SUPT20H: variants seen among roughly 807,000 people sequenced by gnomAD.
The protein encoded by SUPT20H is transcription factor SPT20 homolog.
Under a neutral mutation model 122.8 loss-of-function variants are expected in SUPT20H, and 82 were observed. That is an observed-to-expected ratio of 0.67 (90% CI 0.56 to 0.80). The LOEUF (loss-of-function observed/expected upper bound fraction) is 0.80. Ranked by LOEUF, SUPT20H falls within the 30% of genes least tolerant of loss-of-function variation. The pLI, the probability that SUPT20H is intolerant of heterozygous loss-of-function variation, is 0.00. For missense variants in SUPT20H, 831 were observed against 921.6 expected (o/e 0.90, Z 1.27); for synonymous variants, 291 against 313.0 (o/e 0.93, Z 0.74).
chr13:37,009,316 C>A lies in SUPT20H; in HGVS notation c.*356G>T. 7.1e-7 allele frequency: 1 copy of A among 1,401,276 alleles called. No individual in the cohort carries two copies. Among genetic ancestry groups the A allele is most frequent in the Non-Finnish European group, 1.0e-6 (1 of 992,158 alleles). 86.8% of individuals were successfully genotyped at this position (1,401,276 alleles called of 1,614,324 possible). A position where few individuals can be genotyped will look rare whatever the true frequency, so the allele number is the denominator to read the frequency against. ...CCCAAATAAACAGCCACCACATTTT[C>A]AAAACAGATTTGTAAAAATTGTATT... is the stretch of plus-strand genomic sequence containing the variant. On this transcript the variant is annotated 3_prime_UTR_variant, in exon 26 of 26. Coordinates refer to ENST00000350612, the MANE Select transcript of SUPT20H (RefSeq NM_001014286.3).
intron 6 of SUPT20H, among the ~76,000 whole-genome samples, 156 bp from the exon 7 acceptor site, chr13:37,044,337 A>G (rs951472851): frequency 2.6e-5 from 4 of 152,106 alleles, no homozygotes; most frequent in Admixed American, 2.6e-4. Context: ...CAAAACCAAA[A>G]GGCCCTCCTA....
chr13:37,025,320 A>G lies in SUPT20H; in HGVS notation c.1329T>C (p.Asp443=). 6.3e-7 allele frequency: 1 copy of G among 1,592,430 alleles called. No homozygotes were observed. Among genetic ancestry groups the G allele is most frequent in the African/African-American group, 1.3e-5 (1 of 74,558 alleles). Residue 443 remains aspartate (D), a splice_region_variant and synonymous_variant, in exon 17 of 26, where the codon GAT becomes GAC. Coordinates refer to ENST00000350612, the MANE Select transcript of SUPT20H (RefSeq NM_001014286.3). ...LSQVSPGKET[D]QTETVSVQSS... is the part of the protein sequence containing the mutation. ...AAGAAGTAACATTAATGAAACACAC[A>G]TCTGTTTCTTTCCCTGGAGAAACCT...
intron 12 of SUPT20H, among the ~76,000 whole-genome samples, chr13:37,030,396 T>G (rs1284089175): frequency 2.6e-5 from 4 of 152,206 alleles, no homozygotes; most frequent in Non-Finnish European, 4.4e-5. Flanking sequence ...ACCACGATCT[T>G]AAGAGTAATT....
chr13:37,017,500 A>G, intron 22 of SUPT20H, 136 bp from the exon 23 acceptor site: 1 of 953,158 alleles, frequency 1.0e-6, no homozygotes, highest in Non-Finnish European at 1.5e-6. Flanking sequence ...TAAAGAAAAA[A>G]CAAGTTGGCT....
At position 37,022,436 on chromosome 13, in the gene SUPT20H, A is replaced by G. The variant is rs181019465; in HGVS notation, c.1592-356T>C. On this transcript the variant is annotated intron_variant, in intron 19 of 25. Coordinates refer to ENST00000350612, the MANE Select transcript of SUPT20H (RefSeq NM_001014286.3). The surrounding 1 kb of genome is among the most constrained non-coding windows in gnomAD (Gnocchi z 4.5). Reference sequence around the variant, plus strand: ...TTGTTCTAGTTTTTTTTTTTTTAGCAGTTAACTGCAAGTGTTAATTTCTAC... The same window carrying G: ...TTGTTCTAGTTTTTTTTTTTTTAGCGGTTAACTGCAAGTGTTAATTTCTAC... The G allele has an allele frequency of 7.0e-5, 92 of 1,305,012 alleles. 2 individuals carry two copies. In the African/African-American group the frequency reaches 1.2e-3, roughly 17 times the overall value. 80.8% of individuals were successfully genotyped at this position (1,305,012 alleles called of 1,614,324 possible).
At chr13:37,037,583 G>C (rs1377009860) in intron 9 of SUPT20H, among the ~76,000 whole-genome samples, 1 of 152,188 alleles carries the variant, frequency 6.6e-6, no homozygotes, top group Non-Finnish European at 1.5e-5. Context: ...ATAAGGTAGT[G>C]AGCAAAACAA....
chr13:37,026,301 G>T, intron 15 of SUPT20H, 65 bp from the exon 16 acceptor site: 1 of 1,181,612 alleles, frequency 8.5e-7, no homozygotes, highest in Non-Finnish European at 1.1e-6. Context: ...AAGAAGGCTT[G>T]GGATTACTTT....
chr13:37,022,059 A>G lies in SUPT20H; in HGVS notation c.1613T>C (p.Met538Thr). Residue 538 changes from methionine (M) to threonine (T), a missense_variant, in exon 20 of 26, where the codon ATG (methionine) becomes ACG (threonine). Transcript: ENST00000350612. This position sits in a 1 kb window ranked among gnomAD's most constrained non-coding sequence, Gnocchi z 4.5. ...GAAGTTAAGTCCAGCAGAGTTTGCC[A>G]TGACCTGGGTGGCCGTGGTTCCTGG... ...SSQRTTATQV[M>T]ANSAGLNFIN... 1.2e-6 allele frequency: 2 copies of G among 1,613,886 alleles called. No homozygotes were observed. The highest frequency in any genetic ancestry group is 1.7e-6 in the Non-Finnish European group (2 of 1,179,834).
chr13:37,035,932 G>A (rs955025267), intron 9 of SUPT20H, among the ~76,000 whole-genome samples: 10 of 152,204 alleles, frequency 6.6e-5, no homozygotes, highest in Admixed American at 2.6e-4. Flanking sequence ...TAATGCAGCA[G>A]CAACAGGGTT....
At chr13:37,058,606 A>C (rs2069795213) in intron 1 of SUPT20H, among the ~76,000 whole-genome samples, 1 of 152,164 alleles carries the variant, frequency 6.6e-6, no homozygotes, top group Admixed American at 6.5e-5. Context: ...CTATACACAG[A>C]ATTTACTAGA....
At chr13:37,040,081 G>GA (rs11436760) in intron 9 of SUPT20H, 82,925 of 176,110 alleles carry the variant, frequency 0.47, 18,460 homozygotes, top group African/African-American at 0.51. Context: ...TGAATTATTT[G>GA]AAAAAAAAAA....
chr13:37,011,216 A>C (rs1383260787), intron 24 of SUPT20H, among the ~76,000 whole-genome samples: 1 of 152,074 alleles, frequency 6.6e-6, no homozygotes, highest in Non-Finnish European at 1.5e-5. Context: ...AACATGATTT[A>C]AGTGACTCAG....
chr13:37,015,480 TAA>T lies in SUPT20H; in HGVS notation c.1992+1763_1992+1764del, dbSNP rs111755282. ...CCTCACACCCATTAGGAAGGCTGCTTAAAAAAAAAAAAAAAAAATTCCCTAAA... is the reference window on the plus strand; with the variant it reads ...CCTCACACCCATTAGGAAGGCTGCTTAAAAAAAAAAAAAAAATTCCCTAAA... On this transcript the variant is annotated intron_variant, in intron 23 of 25. Transcript: ENST00000350612. Among the ~76,000 whole-genome samples the T allele has an allele frequency of 4.8e-4, 61 of 125,964 alleles. 1 individual carries two copies. Among genetic ancestry groups the T allele is most frequent in the African/African-American group, 1.2e-3 (44 of 35,398 alleles). The allele number at this position is 125,964 out of a possible 152,430, so 82.6% of individuals were successfully genotyped here.
chr13:37,010,401 TA>T, intron 25 of SUPT20H, 150 bp downstream of exon 25: 1 of 677,856 alleles, frequency 1.5e-6, no homozygotes, highest in Non-Finnish European at 2.4e-6. Context: ...GTTGACTGGC[TA>T]AAATGTCAGA....
chr13:37,024,073 A>G lies in SUPT20H; in HGVS notation c.1553T>C (p.Leu518Pro). Residue 518 changes from leucine (L) to proline (P), a missense_variant, in exon 19 of 26, where the codon CTT becomes CCT. Coordinates refer to ENST00000350612, the MANE Select transcript of SUPT20H (RefSeq NM_001014286.3). ...SSVDLNQVSMLSPAALSPASS... is the reference protein window; with the variant it reads ...SSVDLNQVSMPSPAALSPASS... ...GGCAGGTGATAGGGCAGCTGGAGAA[A>G]GCATGCTAACTTGATTGAGATCCAC... The G allele has an allele frequency of 6.2e-7, 1 of 1,613,330 alleles. No individual in the cohort carries two copies.
chr13:37,011,898 T>G (rs1052870530), intron 24 of SUPT20H, among the ~76,000 whole-genome samples: 1 of 152,160 alleles, frequency 6.6e-6, no homozygotes, highest in Non-Finnish European at 1.5e-5. Flanking sequence ...AAGATAACTA[T>G]TGGCAAACAC....
rs535468987 is a variant in SUPT20H at position 37,045,657 on chromosome 13, G to A, written c.166-284C>T. 2.8e-4 allele frequency among the ~76,000 whole-genome samples: 43 copies of A among 152,152 alleles called. No homozygotes were observed. In the South Asian group the frequency reaches 8.3e-3, roughly 29 times the overall value. Reference sequence around the variant, plus strand: ...ACTTAAATATAAAACAAGTACTTTTGAATACTTAAGAAATAAAAATATTTA... The same window carrying A: ...ACTTAAATATAAAACAAGTACTTTTAAATACTTAAGAAATAAAAATATTTA... On this transcript the variant is annotated intron_variant, in intron 5 of 25. Coordinates refer to ENST00000350612, the MANE Select transcript of SUPT20H (RefSeq NM_001014286.3).
At chr13:37,025,571 G>T in intron 16 of SUPT20H, 134 bp from the exon 17 acceptor site, 4 of 605,952 alleles carry the variant, frequency 6.6e-6, no homozygotes, top group East Asian at 3.0e-5. Flanking sequence ...TTAAAAATTA[G>T]GCAATTTATC....
At chr13:37,040,301 C>G in intron 9 of SUPT20H, 104 bp downstream of exon 9, 1 of 1,054,466 alleles carries the variant, frequency 9.5e-7, no homozygotes, top group Non-Finnish European at 1.3e-6. Context: ...AAGCATCAAA[C>G]TTAATTATTG....
Sources: gnomAD v4.1 joint callset for allele counts (sites outside exome capture counted in the v4.1 genomes callset) on GRCh38, gnomAD v4.1.1 for gene constraint, Gnocchi (gnomAD v3.1) non-coding constraint, MANE v1.5 for transcripts, NCBI Gene and HGNC (gene_info 2026-07-23, HGNC 2026-07-21) for gene names.